PIK3C2A: variants seen among roughly 807,000 people sequenced by gnomAD.
PIK3C2A encodes phosphatidylinositol-4-phosphate 3-kinase catalytic subunit type 2 alpha.
A neutral mutation model predicts 204.5 loss-of-function variants in PIK3C2A; 97 were observed. The ratio of observed to expected loss-of-function variants is 0.47; its 90% CI spans 0.40 to 0.56. The LOEUF is 0.56. Among genes scored for constraint, PIK3C2A ranks in the 20% least tolerant of loss-of-function variants. The probability of loss-of-function intolerance (pLI) is 0.00; values close to 1 mark genes in which losing one functional copy is unlikely to be tolerated. For missense variants in PIK3C2A, 1,735 were observed against 1,969.2 expected (o/e 0.88, Z 2.25); for synonymous variants, 653 against 664.4 (o/e 0.98, Z 0.26).
chr11:17,095,220 T>G (rs1436443453), intron 27 of PIK3C2A, among the ~76,000 whole-genome samples: 1 of 151,978 alleles, frequency 6.6e-6, no homozygotes, highest in African/African-American at 2.4e-5. Flanking sequence ...GAGCCAACAC[T>G]GCATCACTGC....
intron 8 of PIK3C2A, among the ~76,000 whole-genome samples, chr11:17,142,233 A>C (rs2137412647): frequency 6.6e-6 from 1 of 152,308 alleles, no homozygotes; most frequent in Middle Eastern, 3.4e-3. Context: ...TTGAGTCTGG[A>C]GATGTGGAAA....
rs1427806175 is a variant in PIK3C2A at position 17,087,281 on chromosome 11, G to C, written c.*2457C>G. On this transcript the variant is annotated 3_prime_UTR_variant, in exon 33 of 33. Transcript: ENST00000691414. ...TTAAAAAATGCTTAAAAATCCAACT[G>C]ATTTAAAATTTATTGATAGTAGTAG... 6.6e-6 allele frequency: 1 copy of C among 151,910 alleles called. No homozygotes were observed. The highest frequency in any genetic ancestry group is 2.4e-5 in the African/African-American group (1 of 41,420). 9.4% of individuals were successfully genotyped at this position (151,910 alleles called of 1,614,324 possible).
intron 24 of PIK3C2A, 66 bp from the exon 25 acceptor site, chr11:17,101,500 G>A (rs1262481695): frequency 2.3e-6 from 2 of 870,088 alleles, no homozygotes; most frequent in South Asian, 3.5e-5. Flanking sequence ...GCTATTACAT[G>A]ATTATTAAAC....
chr11:17,096,845 C>A (rs543851214), intron 27 of PIK3C2A, among the ~76,000 whole-genome samples: 53 of 152,314 alleles, frequency 3.5e-4, no homozygotes, highest in Admixed American at 5.9e-4. Flanking sequence ...CTTTACCACT[C>A]GGTCCTTATT....
At chr11:17,118,862 T>C (rs1849284887) in intron 17 of PIK3C2A, 123 bp from the exon 18 acceptor site, 8 of 558,422 alleles carry the variant, frequency 1.4e-5, no homozygotes, top group East Asian at 6.1e-5. Flanking sequence ...ATGATACTTA[T>C]AAAAATTAAA....
intron 28 of PIK3C2A, among the ~76,000 whole-genome samples, chr11:17,093,749 C>G (rs867029226): frequency 5.3e-5 from 8 of 151,896 alleles, no homozygotes; most frequent in Admixed American, 2.0e-4. Flanking sequence ...TCAATCCTCT[C>G]ACTTCAGCCT....
At chr11:17,167,736 AGTAG>A (rs1248622125) in intron 2 of PIK3C2A, among the ~76,000 whole-genome samples, 2 of 152,220 alleles carry the variant, frequency 1.3e-5, no homozygotes, top group Non-Finnish European at 1.5e-5. Context: ...ATGATAAAAT[AGTAG>A]GTAAGTGCTG....
intron 8 of PIK3C2A, among the ~76,000 whole-genome samples, chr11:17,140,048 C>G (rs1364883969): frequency 6.6e-6 from 1 of 152,202 alleles, no homozygotes; most frequent in East Asian, 1.9e-4. Context: ...CTACTGCCAT[C>G]CTGACTTCAT....
chr11:17,190,434 G>A (rs773843889), intron 1 of PIK3C2A, among the ~76,000 whole-genome samples: 6 of 150,026 alleles, frequency 4.0e-5, no homozygotes, highest in Non-Finnish European at 5.9e-5. Context: ...AGCCAGGCGT[G>A]GTGGTGCGCA....
chr11:17,151,650 T>C (rs1850430142), intron 3 of PIK3C2A, among the ~76,000 whole-genome samples: 1 of 152,168 alleles, frequency 6.6e-6, no homozygotes, highest in Non-Finnish European at 1.5e-5. Context: ...GCTTCTGTTT[T>C]TTCTTCTATA....
intron 27 of PIK3C2A, among the ~76,000 whole-genome samples, chr11:17,095,945 C>A (rs572454690): frequency 5.3e-5 from 8 of 150,222 alleles, no homozygotes; most frequent in East Asian, 1.9e-4. Flanking sequence ...AATAACATAA[C>A]ATAAAATAAA....
At chr11:17,120,698 CTCT>C (rs1277881385) in intron 15 of PIK3C2A, among the ~76,000 whole-genome samples, 1 of 152,076 alleles carries the variant, frequency 6.6e-6, no homozygotes, top group Non-Finnish European at 1.5e-5. Flanking sequence ...TATGTAGATC[CTCT>C]TTTTTCCTTT....
In PIK3C2A at chr11:17,086,687, TTAATA is replaced by T. The variant is rs1048504234; in HGVS notation, c.*3046_*3050del. 32 of 152,222 alleles carry T rather than the reference TTAATA, an allele frequency of 2.1e-4. No individual in the cohort carries two copies. Among genetic ancestry groups the T allele is most frequent in the African/African-American group, 7.7e-4 (32 of 41,514 alleles). The allele number at this position is 152,222 out of a possible 1,614,324, so 9.4% of individuals were successfully genotyped here. On this transcript the variant is annotated 3_prime_UTR_variant, in exon 33 of 33. Transcript: ENST00000691414. ...ATATTATACATCTTTATTCACTATC[TTAATA>T]TAATTAAAGTATTTGGTTCTTATAG...
rs1851424178 is a variant in PIK3C2A at position 17,178,711 on chromosome 11, GAATTTTT to G, written c.-65-8912_-65-8906del. ...TAGCCACCACACCTGGTTGATTTTT[GAATTTTT>G]TTTTTTTTTTTTTTTTTTTTTTGAG... On this transcript the variant is annotated intron_variant, in intron 1 of 32. Coordinates refer to ENST00000691414, the MANE Select transcript of PIK3C2A (RefSeq NM_002645.4). 9.0e-5 allele frequency among the ~76,000 whole-genome samples: 8 copies of G among 89,252 alleles called. 2 individuals are homozygous for G. The highest frequency in any genetic ancestry group is 3.9e-4 in the South Asian group (1 of 2,586). 58.6% of individuals were successfully genotyped at this position (89,252 alleles called of 152,430 possible). A position where few individuals can be genotyped will look rare whatever the true frequency, so the allele number is the denominator to read the frequency against.
At chr11:17,147,063 A>T (rs1850266986) in intron 6 of PIK3C2A, among the ~76,000 whole-genome samples, 1 of 151,894 alleles carries the variant, frequency 6.6e-6, no homozygotes, top group Non-Finnish European at 1.5e-5. Context: ...TTTTTTTTTT[A>T]AACAGCATCC....
intron 2 of PIK3C2A, among the ~76,000 whole-genome samples, chr11:17,163,908 T>TAAAA (rs35154954): frequency 1.4e-5 from 2 of 142,598 alleles, no homozygotes; most frequent in African/African-American, 2.6e-5. Context: ...TACAAAACCT[T>TAAAA]AAAAAAAAAA....
chr11:17,199,114 G>C (rs1395115383), intron 1 of PIK3C2A, among the ~76,000 whole-genome samples: 2 of 142,538 alleles, frequency 1.4e-5, no homozygotes, highest in African/African-American at 5.5e-5. Context: ...GTGAGACACC[G>C]TCTCAAGAAA....
Position 17,091,631 on chromosome 11 carries a change from T to C in PIK3C2A, c.4668A>G (p.Pro1556=). ...SADAGSFSPT[P]GQIGGAVKLS... ...ATTTCACAGCTCCTCCTATTTGGCC[T>C]GGAGTAGGACTGAAGGAACCTGCAT... Residue 1556 remains proline, a synonymous_variant, in exon 31 of 33, where the codon CCA becomes CCG. Transcript: ENST00000691414. 1 of 1,610,484 alleles carries C rather than the reference T, an allele frequency of 6.2e-7. No individual in the cohort carries two copies. Among genetic ancestry groups the C allele is most frequent in the Non-Finnish European group, 8.5e-7 (1 of 1,176,824 alleles).
At chr11:17,144,143 T>C (rs1006060079) in intron 8 of PIK3C2A, among the ~76,000 whole-genome samples, 6 of 152,208 alleles carry the variant, frequency 3.9e-5, no homozygotes, top group African/African-American at 1.2e-4. Context: ...TTGTACTCTA[T>C]CACAGAATTG....
Sources: gnomAD v4.1 joint callset for allele counts (sites outside exome capture counted in the v4.1 genomes callset) on GRCh38, gnomAD v4.1.1 for gene constraint, MANE v1.5 for transcripts, NCBI Gene and HGNC (gene_info 2026-07-23, HGNC 2026-07-21) for gene names.